The following ACSM3 variants were observed in gnomAD, a reference collection of about 807,000 sequenced individuals.
The protein encoded by ACSM3 is acyl-coenzyme A synthetase ACSM3, mitochondrial.
A neutral mutation model predicts 74.1 loss-of-function variants in ACSM3; 61 were observed. The observed-to-expected ratio is 0.82, with a 90% confidence interval of 0.67 to 1.02. ACSM3 has a LOEUF of 1.02. Ranked by LOEUF, ACSM3 falls within the 50% of genes least tolerant of loss-of-function variation. The pLI, the probability that ACSM3 is intolerant of heterozygous loss-of-function variation, is 0.00. For synonymous variants in ACSM3, 213 were observed against 241.5 expected, an observed-to-expected ratio of 0.88 and a Z score of 1.09; for missense variants, 660 against 697.0, an observed-to-expected ratio of 0.95 and a Z score of 0.60.
intron 1 of ACSM3, among the ~76,000 whole-genome samples, chr16:20,687,625 C>T (rs1027442669): frequency 7.9e-5 from 12 of 151,990 alleles, no homozygotes; most frequent in African/African-American, 2.9e-4. Context: ...CAGAAACAAA[C>T]CCTAAATAAA....
chr16:20,680,592 C>G (rs191038403), intron 1 of ACSM3: 3 of 152,340 alleles, frequency 2.0e-5, no homozygotes, highest in East Asian at 1.9e-4. Flanking sequence ...TAAAAACCTC[C>G]ATAATTGGAA....
intron 1 of ACSM3, chr16:20,742,025 A>G: frequency 6.9e-7 from 1 of 1,445,062 alleles, no homozygotes; most frequent in Non-Finnish European, 9.1e-7. Flanking sequence ...TGGCTCCTCA[A>G]GCCCTTGAAG....
intron 10 of ACSM3, chr16:20,791,067 G>T: frequency 2.5e-6 from 2 of 797,928 alleles, no homozygotes; most frequent in Non-Finnish European, 4.0e-6. Context: ...GGGGGTGGTG[G>T]GATTAAGCAA....
At position 20,781,753 on chromosome 16, in the gene ACSM3, G is replaced by A. The variant is rs944527565; in HGVS notation, c.985G>A (p.Val329Ile). Residue 329 changes from valine to isoleucine, a missense_variant, in exon 7 of 14, where the codon GTA becomes ATA. Coordinates refer to ENST00000289416, the MANE Select transcript of ACSM3 (RefSeq NM_005622.4). ...CACAGTCTTCTGTTCAGCACCAACT[G>A]TATACCGAATGCTTGTACAGAATGA... ...PITVFCSAPT[V>I]YRMLVQNDIT... 1.2e-6 allele frequency: 2 copies of A among 1,613,212 alleles called. No individual in the cohort carries two copies. Among genetic ancestry groups the A allele is most frequent in the Non-Finnish European group, 1.7e-6 (2 of 1,179,364 alleles).
intron 1 of ACSM3, among the ~76,000 whole-genome samples, chr16:20,701,190 A>G (rs1185719500): frequency 1.3e-5 from 2 of 152,182 alleles, no homozygotes; most frequent in African/African-American, 4.8e-5. Context: ...AGGCAGGAAT[A>G]GGACTTGAAT....
At chr16:20,730,326 T>G (rs761166952) in intron 1 of ACSM3, among the ~76,000 whole-genome samples, 1 of 152,228 alleles carries the variant, frequency 6.6e-6, no homozygotes, top group South Asian at 2.1e-4. Flanking sequence ...ACAAGGCAGA[T>G]AGAAAATTGT....
chr16:20,728,055 C>T, intron 1 of ACSM3: 1 of 213,528 alleles, frequency 4.7e-6, no homozygotes, highest in Non-Finnish European at 9.5e-6. Flanking sequence ...AGAAGGTGTG[C>T]TTAAATACTG....
At chr16:20,719,385 G>A (rs1367385570) in intron 1 of ACSM3, 2 of 242,242 alleles carry the variant, frequency 8.3e-6, no homozygotes, top group East Asian at 2.1e-4. Flanking sequence ...CTTCCTAGAT[G>A]TAAGTCATGT....
At chr16:20,676,125 C>G (rs138924350) in intron 1 of ACSM3, 58 of 152,310 alleles carry the variant, frequency 3.8e-4, no homozygotes, top group African/African-American at 1.4e-3. Context: ...CCAGTCTCAC[C>G]TGAGAAGGAG....
At chr16:20,704,273 T>C (rs2079721066) in intron 1 of ACSM3, among the ~76,000 whole-genome samples, 1 of 152,216 alleles carries the variant, frequency 6.6e-6, no homozygotes, top group Non-Finnish European at 1.5e-5. Context: ...TAAAACCTTA[T>C]GTGAAAGGTA....
chr16:20,757,646 G>C (rs201881632), intron 3 of ACSM3, among the ~76,000 whole-genome samples: 14 of 147,014 alleles, frequency 9.5e-5, no homozygotes, highest in South Asian at 2.2e-4. Flanking sequence ...CTGCCTAATT[G>C]CCCTGGCCAG....
chr16:20,689,136 G>A (rs1018274793), intron 1 of ACSM3, among the ~76,000 whole-genome samples: 5 of 151,278 alleles, frequency 3.3e-5, no homozygotes, highest in Admixed American at 3.3e-4. Flanking sequence ...AACTGTAAAG[G>A]GGAAGGATTT....
chr16:20,795,512 T>C (rs570521454), intron 12 of ACSM3, among the ~76,000 whole-genome samples: 1 of 152,360 alleles, frequency 6.6e-6, no homozygotes, highest in South Asian at 2.1e-4. Flanking sequence ...TCAAAGTGGA[T>C]AGGAAATGTT....
rs180965452 is a variant in ACSM3, at chr16:20,684,102, G to A, written c.-190+9280G>A. Among the ~76,000 whole-genome samples, 664 of 152,258 alleles carry A rather than the reference G, an allele frequency of 4.4e-3. 5 individuals are homozygous for A. Among genetic ancestry groups the A allele is most frequent in the African/African-American group, 0.015 (614 of 41,544 alleles). Reference sequence around the variant, plus strand: ...AAGTGATTCAAAAAAGAATCTGTGAGTCACTGATTCTAATCTATATAGACA... The same window carrying A: ...AAGTGATTCAAAAAAGAATCTGTGAATCACTGATTCTAATCTATATAGACA... On this transcript the variant is annotated intron_variant, in intron 1 of 3. Coordinates refer to the ACSM3 transcript ENST00000561584.
At chr16:20,683,672 C>G (rs552799172) in intron 1 of ACSM3, among the ~76,000 whole-genome samples, 2 of 145,078 alleles carry the variant, frequency 1.4e-5, no homozygotes, top group East Asian at 4.2e-4. Flanking sequence ...GAGAGTCTTG[C>G]CACCACGCCT....
At chr16:20,738,279 C>T (rs1354492275) in intron 1 of ACSM3, 5 of 417,832 alleles carry the variant, frequency 1.2e-5, no homozygotes, top group African/African-American at 2.5e-5. Flanking sequence ...CCTGTAACAA[C>T]AGAGTACATT....
chr16:20,728,762 T>C (rs576681817), intron 1 of ACSM3, among the ~76,000 whole-genome samples: 13 of 152,168 alleles, frequency 8.5e-5, no homozygotes, highest in Non-Finnish European at 2.9e-5. Flanking sequence ...GGGCTTTTTA[T>C]TATACTATTT....
intron 2 of ACSM3, among the ~76,000 whole-genome samples, chr16:20,770,460 C>T (rs28407583): frequency 0.43 from 64,684 of 151,642 alleles, 16,302 homozygotes; most frequent in Non-Finnish European, 0.58. Context: ...TTATTTGACC[C>T]GAAATGTCAA....
intron 1 of ACSM3, among the ~76,000 whole-genome samples, chr16:20,717,935 A>C (rs1434728506): frequency 7.1e-6 from 1 of 141,432 alleles, no homozygotes; most frequent in Non-Finnish European, 1.5e-5. Flanking sequence ...GAGAAGGAGA[A>C]GGAGAAGAGG....
Sources: gnomAD v4.1 joint callset for allele counts (sites outside exome capture counted in the v4.1 genomes callset) on GRCh38, gnomAD v4.1.1 for gene constraint, MANE v1.5 for transcripts, NCBI Gene and HGNC (gene_info 2026-07-23, HGNC 2026-07-21) for gene names.